FMN1: variants seen among roughly 807,000 people sequenced by gnomAD.
FMN1 encodes formin 1, also known as formin-1.
FMN1 carries 110 observed loss-of-function variants against 132.4 expected under a neutral mutation model. The observed-to-expected ratio is 0.83, with a 90% CI of 0.71 to 0.97. The LOEUF (loss-of-function observed/expected upper bound fraction) is 0.97, where lower values mean the gene tolerates loss of function less well. FMN1 is among the 50% of genes least tolerant of loss of function. The pLI, the probability that FMN1 is intolerant of heterozygous loss-of-function variation, is 0.00. For synonymous variants in FMN1, 722 were observed against 651.7 expected (o/e 1.11, Z -1.64); for missense variants, 1,792 against 1,705.3 (o/e 1.05, Z -0.90).
chr15:32,849,571 G>A (rs549644669), intron 17 of FMN1, among the ~76,000 whole-genome samples: 1 of 126,118 alleles, frequency 7.9e-6, no homozygotes, highest in East Asian at 2.1e-4. Flanking sequence ...GAAAACATAC[G>A]CTCTTTGCAG....
intron 19 of FMN1, among the ~76,000 whole-genome samples, chr15:32,795,741 GGCA>G (rs2057267902): frequency 6.6e-6 from 1 of 152,140 alleles, no homozygotes; most frequent in Non-Finnish European, 1.5e-5. Context: ...TGATACCAGG[GGCA>G]GCACGATGAC....
At chr15:32,919,287 G>C (rs1304558226) in intron 10 of FMN1, among the ~76,000 whole-genome samples, 1 of 152,140 alleles carries the variant, frequency 6.6e-6, no homozygotes, top group African/African-American at 2.4e-5. Context: ...TCAACAATAG[G>C]AAAATGGTAG....
At chr15:32,971,072 A>G (rs956712273) in intron 7 of FMN1, among the ~76,000 whole-genome samples, 3 of 152,236 alleles carry the variant, frequency 2.0e-5, no homozygotes, top group African/African-American at 7.2e-5. Context: ...TGCGAGTTCT[A>G]TGACCTCAGA....
In FMN1 at chr15:33,035,247, G is replaced by A. The variant is rs572190595; in HGVS notation, c.2162-27172C>T. Among the ~76,000 whole-genome samples the A allele has an allele frequency of 9.2e-5, 14 of 152,100 alleles. No individual in the cohort carries two copies. In the South Asian group the frequency reaches 2.9e-3, roughly 32 times the overall value. On this transcript the variant is annotated intron_variant, in intron 6 of 20. Coordinates refer to ENST00000616417, the MANE Select transcript of FMN1 (RefSeq NM_001277313.2). ...TTAAGATATCCACAACAACTATAAC[G>A]TGATGTGACAGTATCTGTGATTTCC... is the stretch of plus-strand genomic sequence containing the variant.
intron 6 of FMN1, among the ~76,000 whole-genome samples, chr15:33,018,284 A>G (rs2035188717): frequency 6.6e-6 from 1 of 151,942 alleles, no homozygotes; most frequent in Admixed American, 6.5e-5. Flanking sequence ...CTTTTTTTTA[A>G]TCTTAATGAT....
rs1295088533 is a variant in FMN1, at chr15:32,991,184, T to C, written c.2223+16830A>G. 2.0e-5 allele frequency among the ~76,000 whole-genome samples: 3 copies of C among 152,160 alleles called. No homozygotes were observed. In the East Asian group the frequency reaches 5.8e-4, roughly 29 times the overall value. On this transcript the variant is annotated intron_variant, in intron 7 of 20. Transcript: ENST00000616417. ...CATAGACAAAGGCCCTCATTCTTTA[T>C]TTTCTCTCGGTTTCAGAAGAAATGC...
intron 9 of FMN1, among the ~76,000 whole-genome samples, chr15:32,934,209 C>G (rs1467650137): frequency 6.6e-6 from 1 of 152,100 alleles, no homozygotes; most frequent in Non-Finnish European, 1.5e-5. Flanking sequence ...AAGCTAATTT[C>G]AATCACATAT....
Position 32,983,506 on chromosome 15 carries a change from G to A in FMN1, c.2224-14029C>T, listed in dbSNP as rs571233971. ...TAGAACAGCAATTTTTTTATTACAT[G>A]TAAAATTATATCTCATCGAAAAAAC... On this transcript the variant is annotated intron_variant, in intron 7 of 20. Coordinates refer to ENST00000616417, the MANE Select transcript of FMN1 (RefSeq NM_001277313.2). Among the ~76,000 whole-genome samples the A allele has an allele frequency of 1.3e-3, 195 of 152,232 alleles. 1 individual carries two copies. Among genetic ancestry groups the A allele is most frequent in the African/African-American group, 4.3e-3 (178 of 41,530 alleles).
intron 4 of FMN1, among the ~76,000 whole-genome samples, chr15:33,127,819 T>G (rs572067209): frequency 3.9e-4 from 59 of 152,324 alleles, no homozygotes; most frequent in Middle Eastern, 3.4e-3. Context: ...ATCTCATTCC[T>G]CAGTCTCCCT....
intron 16 of FMN1, among the ~76,000 whole-genome samples, chr15:32,858,970 C>G (rs56136064): frequency 6.6e-6 from 1 of 152,016 alleles, no homozygotes; most frequent in South Asian, 2.1e-4. Flanking sequence ...GTCCAAGGAG[C>G]GAGAGAGTAG....
intron 6 of FMN1, among the ~76,000 whole-genome samples, chr15:33,029,915 T>G (rs973871294): frequency 1.3e-5 from 2 of 152,212 alleles, no homozygotes; most frequent in African/African-American, 4.8e-5. Flanking sequence ...CCCAGCACTT[T>G]CGGAGACCGA....
At chr15:33,003,598 C>T (rs187997932) in intron 7 of FMN1, among the ~76,000 whole-genome samples, 247 of 152,248 alleles carry the variant, frequency 1.6e-3, no homozygotes, top group African/African-American at 5.1e-3. Context: ...GAATCAATAT[C>T]GTGAAAATGG....
chr15:33,016,721 C>T (rs1364705585), intron 6 of FMN1, among the ~76,000 whole-genome samples: 2 of 152,196 alleles, frequency 1.3e-5, no homozygotes, highest in Non-Finnish European at 2.9e-5. Context: ...TCTAACTCCA[C>T]TGTTTGATGA....
intron 9 of FMN1, among the ~76,000 whole-genome samples, chr15:32,935,308 C>T (rs1195787657): frequency 6.6e-6 from 1 of 152,184 alleles, no homozygotes; most frequent in Non-Finnish European, 1.5e-5. Flanking sequence ...TTCTGGTCTG[C>T]AAGTTCATGC....
At chr15:33,054,637 A>G (rs1014232122) in intron 6 of FMN1, among the ~76,000 whole-genome samples, 1 of 152,216 alleles carries the variant, frequency 6.6e-6, no homozygotes, top group African/African-American at 2.4e-5. Context: ...GCAATAGATT[A>G]GGTAGAGAGA....
chr15:33,003,064 T>G (rs2034206471), intron 7 of FMN1, among the ~76,000 whole-genome samples: 1 of 152,146 alleles, frequency 6.6e-6, no homozygotes, highest in Admixed American at 6.5e-5. Context: ...GGGACGTATC[T>G]CAAAATAGTA....
chr15:32,917,638 G>A (rs1248785620), intron 10 of FMN1, among the ~76,000 whole-genome samples: 1 of 152,150 alleles, frequency 6.6e-6, no homozygotes, highest in Non-Finnish European at 1.5e-5. Flanking sequence ...ACACTGCTTG[G>A]TTTCCCAAGC....
At chr15:32,910,345 T>G (rs2060527615) in intron 11 of FMN1, 129 bp downstream of exon 11, 1 of 697,250 alleles carries the variant, frequency 1.4e-6, no homozygotes, top group African/African-American at 1.8e-5. Flanking sequence ...TTCAAGCTTG[T>G]GTTTCTATGC....
chr15:32,849,838 G>A (rs541764432), intron 17 of FMN1, among the ~76,000 whole-genome samples: 2 of 152,230 alleles, frequency 1.3e-5, no homozygotes, highest in African/African-American at 4.8e-5. Flanking sequence ...TGTATTTTTA[G>A]TAGAGATGGG....
Sources: allele counts gnomAD v4.1 joint callset (sites outside exome capture counted in the v4.1 genomes callset), GRCh38; gene constraint gnomAD v4.1.1; transcripts MANE v1.5; gene names NCBI Gene and HGNC (gene_info 2026-07-23, HGNC 2026-07-21).